Variants in ZFP62 observed in about 807,000 individuals in gnomAD.
ZFP62 encodes the protein zinc finger protein 62 homolog.
Under a neutral mutation model 56.4 loss-of-function variants are expected in ZFP62, and 44 were observed. The observed-to-expected ratio is 0.78, with a 90% CI of 0.61 to 1.00. The LOEUF (loss-of-function observed/expected upper bound fraction) is 1.00. Among genes scored for constraint, ZFP62 ranks in the 50% least tolerant of loss-of-function variants. ZFP62 has a pLI of 0.00. For synonymous variants in ZFP62, 421 were observed against 388.9 expected (o/e 1.08, Z -0.97); for missense variants, 1,030 against 1,085.7 (o/e 0.95, Z 0.72).
chr5:180,847,701 A>G lies in ZFP62; in HGVS notation c.*1091T>C. Reference sequence around the variant, plus strand: ...GACAAAGAGAGAGTGAGCCCTGAACAAAGTATTCGTTAACATTTTACAACA... The same window carrying G: ...GACAAAGAGAGAGTGAGCCCTGAACGAAGTATTCGTTAACATTTTACAACA... On this transcript the variant is annotated 3_prime_UTR_variant, in exon 2 of 2. Transcript: ENST00000502412. 1.0e-6 allele frequency: 1 copy of G among 985,486 alleles called. No individual in the cohort carries two copies. Among genetic ancestry groups the G allele is most frequent in the African/African-American group, 1.7e-5 (1 of 57,374 alleles). 61.0% of individuals were successfully genotyped at this position (985,486 alleles called of 1,614,324 possible).
downstream of ZFP62, among the ~76,000 whole-genome samples, chr5:180,844,755 C>A (rs892584248): frequency 2.0e-5 from 3 of 152,164 alleles, no homozygotes; most frequent in Non-Finnish European, 2.9e-5. Flanking sequence ...CACTCAGGAA[C>A]ATCCAAAAAA....
chr5:180,849,890 A>AC lies in ZFP62; in HGVS notation c.1604dup (p.Cys535TrpfsTer2). ...TTCTGAAAGCTTTACCACACTCATC[A>AC]CACCCAAAGGGTTTTTCCCTGGTAT... On this transcript the variant is annotated frameshift_variant, in exon 2 of 2. Coordinates refer to ENST00000502412, the MANE Select transcript of ZFP62 (RefSeq NM_001172638.2). LOFTEE classifies it high-confidence loss of function. The AC allele has an allele frequency of 3.2e-6, 5 of 1,551,708 alleles. No individual in the cohort carries two copies. Among genetic ancestry groups the AC allele is most frequent in the Non-Finnish European group, 4.4e-6 (5 of 1,146,998 alleles).
Position 180,848,075 on chromosome 5 carries a change from A to G in ZFP62, c.*717T>C, listed in dbSNP as rs148745191. The G allele has an allele frequency of 3.9e-4, 384 of 985,370 alleles. 7 individuals are homozygous for G. The East Asian group carries it at 0.036, about 93-fold the overall frequency. 61.0% of individuals were successfully genotyped at this position (985,370 alleles called of 1,614,324 possible). A position where few individuals can be genotyped will look rare whatever the true frequency, so the allele number is the denominator to read the frequency against. ...AATTCATCATTCATTATGGGAGTTC[A>G]TCTGAAACTTTAAAAAAGTTTCATC... On this transcript the variant is annotated 3_prime_UTR_variant, in exon 2 of 2. Coordinates refer to ENST00000502412, the MANE Select transcript of ZFP62 (RefSeq NM_001172638.2).
the ZFP62 span, chr5:180,831,673 G>T: frequency 6.6e-6 from 1 of 152,472 alleles, no homozygotes. Flanking sequence ...CTGGCTACGG[G>T]TACCCGGACC....
rs1561901054 is a variant in ZFP62 at position 180,848,812 on chromosome 5, T to A, written c.2683A>T (p.Arg895Trp). The A allele has an allele frequency of 2.0e-6, 3 of 1,536,902 alleles. No homozygotes were observed. Among genetic ancestry groups the A allele is most frequent in the Admixed American group, 4.0e-5 (2 of 50,016 alleles). The change falls in exon 2 of 2, where the codon AGG (arginine) becomes TGG (tryptophan). Residue 895 changes from arginine to tryptophan, a missense_variant. By Grantham distance (101) the Arg-to-Trp change is moderately radical (BLOSUM62 -3). Transcript: ENST00000502412. ...YEGGNALDGG[R>W]MRMPL Reference sequence around the variant, plus strand: ...GCCTGCTACAGAGGCATCCTCATCCTGCCCCCATCCAGGGCATTCCCTCCC... The same window carrying A: ...GCCTGCTACAGAGGCATCCTCATCCAGCCCCCATCCAGGGCATTCCCTCCC...
At chr5:180,852,574 G>C (rs1483386918) in intron 1 of ZFP62, among the ~76,000 whole-genome samples, 2 of 128,198 alleles carry the variant, frequency 1.6e-5, no homozygotes, top group African/African-American at 2.8e-5. Context: ...AAAAAAAAAA[G>C]ATACAATTAG....
the ZFP62 span, chr5:180,831,211 C>G: frequency 6.5e-6 from 1 of 154,164 alleles, no homozygotes; most frequent in Non-Finnish European, 1.4e-5. Context: ...CCTCGGGGAC[C>G]TTTGCGGGGA....
chr5:180,844,733 G>C (rs1773377289), downstream of ZFP62, among the ~76,000 whole-genome samples: 1 of 152,268 alleles, frequency 6.6e-6, no homozygotes, highest in South Asian at 2.1e-4. Context: ...TGCTTACTTA[G>C]AAGCAAGATA....
chr5:180,841,394 T>A, the ZFP62 span, among the ~76,000 whole-genome samples: 5 of 152,108 alleles, frequency 3.3e-5, no homozygotes, highest in Non-Finnish European at 7.4e-5. Flanking sequence ...CCAGTTTGGA[T>A]TCCCTTTAGA....
In ZFP62 at chr5:180,849,524, G is replaced by A; in HGVS notation, c.1971C>T (p.Asn657=). ...CDRCEKVFRN[N]SSLKVHKRIH... ...TTCTTTTATGAACTTTAAGGCTTGA[G>A]TTGTTTCTGAAGACCTTCTCACACC... The change falls in exon 2 of 2, where the codon AAC becomes AAT. Residue 657 remains asparagine, a synonymous_variant. Coordinates refer to ENST00000502412, the MANE Select transcript of ZFP62 (RefSeq NM_001172638.2). The A allele has an allele frequency of 6.4e-7, 1 of 1,552,092 alleles. No homozygotes were observed. The highest frequency in any genetic ancestry group is 2.4e-5 in the East Asian group (1 of 40,904).
the ZFP62 span, among the ~76,000 whole-genome samples, chr5:180,836,635 G>A: frequency 6.6e-6 from 1 of 152,238 alleles, no homozygotes; most frequent in Non-Finnish European, 1.5e-5. Flanking sequence ...GGGGGCACAA[G>A]TGAACCCACA....
At chr5:180,838,420 A>G in the ZFP62 span, among the ~76,000 whole-genome samples, 1 of 152,232 alleles carries the variant, frequency 6.6e-6, no homozygotes, top group Admixed American at 6.5e-5. Context: ...GACTAAAAAG[A>G]TGCAACACTC....
the ZFP62 span, among the ~76,000 whole-genome samples, chr5:180,829,606 C>T: frequency 3.0e-4 from 45 of 152,344 alleles, no homozygotes; most frequent in African/African-American, 9.4e-4. Context: ...TGGCCCCTAT[C>T]GGGTTCCCCC....
At chr5:180,827,474 T>C in the ZFP62 span, among the ~76,000 whole-genome samples, 2 of 151,576 alleles carry the variant, frequency 1.3e-5, no homozygotes, top group African/African-American at 2.4e-5. Context: ...AGGGTGTGCT[T>C]TGTTAAACAG....
rs1215945622 is a variant in ZFP62 at position 180,861,201 on chromosome 5, G to A, written c.1+18C>T. ...AAGGGCCGGGGGCGGGAGCGCGGGC[G>A]GCCGCGGACTCACGTACTGGCTGTG... is the stretch of plus-strand genomic sequence containing the variant. On this transcript the variant is annotated intron_variant, in intron 1 of 1. Transcript: ENST00000502412. 2 of 398,184 alleles carry A rather than the reference G, an allele frequency of 5.0e-6. No individual in the cohort carries two copies. Among genetic ancestry groups the A allele is most frequent in the South Asian group, 1.3e-4 (1 of 7,880 alleles). 24.7% of individuals were successfully genotyped at this position (398,184 alleles called of 1,614,324 possible). A position where few individuals can be genotyped will look rare whatever the true frequency, so the allele number is the denominator to read the frequency against.
In ZFP62 at chr5:180,850,012, G is replaced by A; in HGVS notation, c.1483C>T (p.His495Tyr). ...TTCTCCCCAAGGTGGATTCCTTTGTGATTTTTAAGGCTAGAGCGTGAGATA... is the reference window on the plus strand; with the variant it reads ...TTCTCCCCAAGGTGGATTCCTTTGTAATTTTTAAGGCTAGAGCGTGAGATA... ...AYISRSSLKN[H>Y]KGIHLGEKPY... The change falls in exon 2 of 2, where the codon CAC (histidine) becomes TAC (tyrosine). Residue 495 changes from histidine to tyrosine, a missense_variant. Physicochemically the swap from His to Tyr is moderately conservative, Grantham distance 83 (BLOSUM62 2). Transcript: ENST00000502412. 1 of 1,551,712 alleles carries A rather than the reference G, an allele frequency of 6.4e-7. No individual in the cohort carries two copies. The highest frequency in any genetic ancestry group is 8.7e-7 in the Non-Finnish European group (1 of 1,146,998).
chr5:180,830,407 C>A, the ZFP62 span: 1 of 152,476 alleles, frequency 6.6e-6, no homozygotes, highest in Non-Finnish European at 1.5e-5. Context: ...GAGCAACCTT[C>A]TTAGATCAAG....
the ZFP62 span, among the ~76,000 whole-genome samples, chr5:180,829,549 TAGAA>T: frequency 5.7e-3 from 864 of 152,342 alleles, 3 homozygotes; most frequent in African/African-American, 0.019. Context: ...TTATGGAAAA[TAGAA>T]AGAACCTATG....
chr5:180,828,765 T>C, the ZFP62 span, among the ~76,000 whole-genome samples: 1 of 152,214 alleles, frequency 6.6e-6, no homozygotes, highest in African/African-American at 2.4e-5. Flanking sequence ...AAGGTCTGAC[T>C]GCCTGCGGGG....
Sources: allele counts gnomAD v4.1 joint callset (sites outside exome capture counted in the v4.1 genomes callset), GRCh38; gene constraint gnomAD v4.1.1; transcripts MANE v1.5; gene names NCBI Gene and HGNC (gene_info 2026-07-23, HGNC 2026-07-21).